GEMIN8: variants seen among roughly 807,000 people sequenced by gnomAD.
GEMIN8 encodes the protein gem nuclear organelle associated protein 8, also known as gem-associated protein 8.
For synonymous variants in GEMIN8, 80 were observed against 78.5 expected, an observed-to-expected ratio of 1.02 and a Z score of -0.10; for missense variants, 185 against 205.9, an observed-to-expected ratio of 0.90 and a Z score of 0.62.
the GEMIN8 span, among the ~76,000 whole-genome samples, chrX:13,999,865 C>A: frequency 8.9e-6 from 1 of 111,952 alleles, no homozygotes; most frequent in African/African-American, 3.2e-5. Context: ...AGGTTGTCCA[C>A]AACATCAGCA....
chrX:14,021,060 C>T (rs751021465), intron 3 of GEMIN8, among the ~76,000 whole-genome samples: 137 of 111,134 alleles, frequency 1.2e-3, no homozygotes, highest in Non-Finnish European at 1.0e-3. Context: ...AGTGCTTTTA[C>T]TTTTGTATTT....
Position 14,022,818 on chromosome X carries a change from T to G in GEMIN8, c.-33-1307A>C, listed in dbSNP as rs1056716241. Among the ~76,000 whole-genome samples, 5 of 112,283 alleles carry G rather than the reference T, an allele frequency of 4.5e-5. No individual in the cohort carries two copies. The East Asian group carries it at 1.4e-3, about 31-fold the overall frequency. On this transcript the variant is annotated intron_variant, in intron 2 of 4. Coordinates refer to ENST00000680255, the MANE Select transcript of GEMIN8 (RefSeq NM_001042479.2). ...TTTTCACTTAACTATAGGGTAGAAT[T>G]AAAACATTCCCCAACCCTTAAGAAA...
chrX:13,992,739 T>G, the GEMIN8 span, among the ~76,000 whole-genome samples: 33,985 of 110,529 alleles, frequency 0.31, 3,812 homozygotes, highest in South Asian at 0.37. Context: ...ATAATAGGGG[T>G]CCAGATCGTG....
intron 4 of GEMIN8, among the ~76,000 whole-genome samples, chrX:14,016,863 A>AT (rs58291337): frequency 1.3e-5 from 1 of 76,698 alleles, no homozygotes; most frequent in Non-Finnish European, 2.3e-5. Context: ...AAAAAAAAAA[A>AT]AAAATATATA....
At position 14,008,853 on chromosome X, in the gene GEMIN8, G is replaced by A; in HGVS notation, c.*60C>T. On this transcript the variant is annotated 3_prime_UTR_variant, in exon 5 of 5. Coordinates refer to ENST00000680255, the MANE Select transcript of GEMIN8 (RefSeq NM_001042479.2). ...TTTCCCTAAGAAATGTACAGAAGGAGAGATAAAGAGCGTGTACCCAAAAGG... is the reference window on the plus strand; with the variant it reads ...TTTCCCTAAGAAATGTACAGAAGGAAAGATAAAGAGCGTGTACCCAAAAGG... The A allele has an allele frequency of 9.3e-7, 1 of 1,070,235 alleles. No homozygotes were observed. Among genetic ancestry groups the A allele is most frequent in the Non-Finnish European group, 1.3e-6 (1 of 778,694 alleles). The allele number at this position is 1,070,235 out of a possible 1,213,427, so 88.2% of individuals were successfully genotyped here.
At chrX:14,003,182 C>G (rs971223379), downstream of GEMIN8, among the ~76,000 whole-genome samples, 1 of 112,619 alleles carries the variant, frequency 8.9e-6, no homozygotes, top group Non-Finnish European at 1.9e-5. Flanking sequence ...GGGACTAGAC[C>G]GTAACCTCAT....
At chrX:13,989,333 C>G in the GEMIN8 span, among the ~76,000 whole-genome samples, 1 of 110,948 alleles carries the variant, frequency 9.0e-6, no homozygotes, top group Non-Finnish European at 1.9e-5. Flanking sequence ...AAATTCCTGG[C>G]CTCAAGCTAT....
At chrX:14,002,602 C>T (rs768323577), downstream of GEMIN8, among the ~76,000 whole-genome samples, 1 of 111,664 alleles carries the variant, frequency 9.0e-6, no homozygotes, top group East Asian at 2.8e-4. Context: ...CTCTCTGGTA[C>T]AAGCCATTCT....
At chrX:13,991,974 G>T in the GEMIN8 span, among the ~76,000 whole-genome samples, 2 of 112,017 alleles carry the variant, frequency 1.8e-5, no homozygotes, top group East Asian at 5.6e-4. Flanking sequence ...AGTTGGCTGT[G>T]AAAATGACTC....
intron 4 of GEMIN8, among the ~76,000 whole-genome samples, chrX:14,011,192 G>A (rs1315161828): frequency 8.9e-6 from 1 of 111,953 alleles, no homozygotes. Context: ...TGACTTTGAA[G>A]GAAAGCTTAG....
At chrX:14,004,098 T>A (rs1178754401), downstream of GEMIN8, among the ~76,000 whole-genome samples, 1 of 112,399 alleles carries the variant, frequency 8.9e-6, no homozygotes, top group African/African-American at 3.2e-5. Context: ...TGTGTGTGAA[T>A]CTTTTCCATG....
chrX:14,029,687 G>C (rs1418357784), intron 1 of GEMIN8, 90 bp downstream of exon 1: 1 of 112,747 alleles, frequency 8.9e-6, no homozygotes, highest in Non-Finnish European at 1.9e-5. Context: ...CCAAGACCTC[G>C]GCTCTCTGCG....
chrX:14,012,414 C>T (rs1923619448), intron 4 of GEMIN8, among the ~76,000 whole-genome samples: 1 of 111,158 alleles, frequency 9.0e-6, no homozygotes, highest in East Asian at 2.8e-4. Flanking sequence ...GTAAAGCCAC[C>T]GTGCCTGGCC....
intron 1 of GEMIN8, among the ~76,000 whole-genome samples, chrX:14,027,360 A>C (rs181372329): frequency 1.5e-3 from 170 of 112,353 alleles, no homozygotes; most frequent in African/African-American, 4.9e-3. Flanking sequence ...TTTGGACATC[A>C]AAGATGGCTC....
downstream of GEMIN8, among the ~76,000 whole-genome samples, chrX:14,002,097 CA>C (rs59550732): frequency 3.6e-3 from 84 of 23,634 alleles, no homozygotes; most frequent in African/African-American, 2.9e-3. Flanking sequence ...TGCACTCCAG[CA>C]AAAAAAAAAA....
downstream of GEMIN8, among the ~76,000 whole-genome samples, chrX:14,006,423 A>G (rs1298472594): frequency 1.8e-5 from 2 of 111,607 alleles, no homozygotes; most frequent in Non-Finnish European, 3.8e-5. Flanking sequence ...ACCAACAGAC[A>G]GAAGCAAAAG....
At chrX:13,999,903 G>C in the GEMIN8 span, among the ~76,000 whole-genome samples, 1 of 111,772 alleles carries the variant, frequency 8.9e-6, no homozygotes, top group South Asian at 3.7e-4. Context: ...TGTTGACCTT[G>C]ATCACATGGA....
rs747887550 is a variant in GEMIN8, at chrX:14,020,546, AAGG to A, written c.16-15_16-13del. ...TTCGATGTTGATGCCTACAAAATGA[AAGG>A]AGGTGGAGGGTGGACACCAAAGTGT... is the stretch of plus-strand genomic sequence containing the variant. On this transcript the variant is annotated splice_polypyrimidine_tract_variant and intron_variant, in intron 3 of 4. Transcript: ENST00000680255. 9.2e-7 allele frequency: 1 copy of A among 1,083,723 alleles called. No homozygotes were observed. The highest frequency in any genetic ancestry group is 1.3e-6 in the Non-Finnish European group (1 of 781,802). 89.3% of individuals were successfully genotyped at this position (1,083,723 alleles called of 1,213,427 possible).
the GEMIN8 span, among the ~76,000 whole-genome samples, chrX:13,985,650 T>C: frequency 1.8e-5 from 2 of 112,041 alleles, no homozygotes; most frequent in African/African-American, 6.5e-5. Flanking sequence ...TTGAATGTTG[T>C]ATTGGAAACC....
Sources: gnomAD v4.1 joint callset for allele counts (sites outside exome capture counted in the v4.1 genomes callset) on GRCh38, gnomAD v4.1.1 for gene constraint, MANE v1.5 for transcripts, NCBI Gene and HGNC (gene_info 2026-07-23, HGNC 2026-07-21) for gene names.